Variants in RNF144A observed in about 807,000 individuals in gnomAD.
RNF144A encodes the protein ring finger protein 144A.
RNF144A carries 11 observed loss-of-function variants against 38.7 expected under a neutral mutation model. That is an observed-to-expected ratio of 0.28 (90% CI 0.18 to 0.47). The LOEUF (loss-of-function observed/expected upper bound fraction) is 0.47, where lower values mean the gene tolerates loss of function less well. Among genes scored for constraint, RNF144A ranks in the 20% least tolerant of loss-of-function variants. RNF144A has a pLI of 0.99. For missense variants in RNF144A, 316 were observed against 377.2 expected, an observed-to-expected ratio of 0.84 and a Z score of 1.34; for synonymous variants, 149 against 143.9, an observed-to-expected ratio of 1.04 and a Z score of -0.25.
Position 6,962,864 on chromosome 2 carries a change from A to G in RNF144A, c.-12+21717A>G, listed in dbSNP as rs1202832578. Reference sequence around the variant, plus strand: ...CTTGCTGGTCTCCATGGTTTATGCCATCATGATGCCAGTGTTGAATTTGTG... The same window carrying G: ...CTTGCTGGTCTCCATGGTTTATGCCGTCATGATGCCAGTGTTGAATTTGTG... On this transcript the variant is annotated intron_variant, in intron 2 of 8. Transcript: ENST00000320892. The surrounding 1 kb of genome is among the most constrained non-coding windows in gnomAD (Gnocchi z 4.1). Among the ~76,000 whole-genome samples the G allele has an allele frequency of 6.6e-6, 1 of 152,212 alleles. No homozygotes were observed. The highest frequency in any genetic ancestry group is 1.5e-5 in the Non-Finnish European group (1 of 68,038).
chr2:7,003,379 C>T (rs750371230), intron 3 of RNF144A, among the ~76,000 whole-genome samples: 7 of 152,148 alleles, frequency 4.6e-5, no homozygotes, highest in Non-Finnish European at 1.0e-4. Flanking sequence ...TCATGGTAAG[C>T]GCCCTGTATA....
intron 2 of RNF144A, among the ~76,000 whole-genome samples, chr2:6,981,376 T>TTG (rs2103362957): frequency 6.6e-6 from 1 of 152,304 alleles, no homozygotes; most frequent in African/African-American, 2.4e-5. Context: ...TATCGTCTCT[T>TTG]TGTGAATGCA....
chr2:7,005,322 C>T (rs891715451), intron 3 of RNF144A, among the ~76,000 whole-genome samples: 2 of 152,152 alleles, frequency 1.3e-5, no homozygotes, highest in African/African-American at 2.4e-5. Flanking sequence ...CCTGGGGTTC[C>T]GAGGACCATC....
chr2:7,045,326 C>T (rs61745584), downstream of RNF144A, among the ~76,000 whole-genome samples: 2,663 of 152,280 alleles, frequency 0.017, 73 homozygotes, highest in African/African-American at 0.061. Flanking sequence ...ACACCAGGGG[C>T]TACAACAACA....
At chr2:6,970,936 T>C (rs1323567598) in intron 2 of RNF144A, among the ~76,000 whole-genome samples, 2 of 152,094 alleles carry the variant, frequency 1.3e-5, no homozygotes, top group African/African-American at 4.8e-5. Flanking sequence ...CACAAAGTCA[T>C]GTGCAAAACT....
At chr2:7,010,907 A>G (rs1169029774) in intron 3 of RNF144A, among the ~76,000 whole-genome samples, 1 of 151,936 alleles carries the variant, frequency 6.6e-6, no homozygotes, top group Non-Finnish European at 1.5e-5. Context: ...TGATCTGTGC[A>G]TGCCTCTTTC....
intron 6 of RNF144A, among the ~76,000 whole-genome samples, chr2:7,050,439 G>A (rs968290359): frequency 7.2e-5 from 11 of 152,260 alleles, no homozygotes; most frequent in Admixed American, 1.3e-4. Context: ...CCTTATAAAT[G>A]CCTCAGCCTT....
At chr2:6,970,363 C>T (rs1667931151) in intron 2 of RNF144A, among the ~76,000 whole-genome samples, 1 of 152,154 alleles carries the variant, frequency 6.6e-6, no homozygotes, top group African/African-American at 2.4e-5. Flanking sequence ...CTGCTGCCAT[C>T]CACGTACAAT....
At chr2:6,953,745 A>G (rs912239869) in intron 2 of RNF144A, among the ~76,000 whole-genome samples, 7 of 152,128 alleles carry the variant, frequency 4.6e-5, no homozygotes, top group Non-Finnish European at 1.0e-4. Flanking sequence ...CTGGGTTTTT[A>G]CAATCTATTA....
chr2:6,945,266 A>G (rs1483249418), intron 2 of RNF144A, among the ~76,000 whole-genome samples: 1 of 152,234 alleles, frequency 6.6e-6, no homozygotes, highest in Non-Finnish European at 1.5e-5. Context: ...CCTAATGTGT[A>G]GAAATGAGCA....
intron 8 of RNF144A, among the ~76,000 whole-genome samples, chr2:7,033,545 C>T (rs1046844582): frequency 1.3e-5 from 2 of 152,244 alleles, no homozygotes; most frequent in Admixed American, 1.3e-4. Flanking sequence ...GCCGTTGCTG[C>T]CAGCTTGGTC....
chr2:7,018,166 C>T (rs1671265904), intron 5 of RNF144A, among the ~76,000 whole-genome samples: 1 of 152,162 alleles, frequency 6.6e-6, no homozygotes, highest in South Asian at 2.1e-4. Context: ...TCCTACTGCA[C>T]AGGAGAGGTG....
chr2:7,053,173 G>A (rs377321974), intron 6 of RNF144A, among the ~76,000 whole-genome samples: 16 of 152,060 alleles, frequency 1.1e-4, no homozygotes, highest in East Asian at 7.7e-4. Flanking sequence ...TCTATCTACC[G>A]TTTCTAAAAA....
chr2:6,959,924 A>C (rs1446503707), intron 2 of RNF144A, among the ~76,000 whole-genome samples: 1 of 152,178 alleles, frequency 6.6e-6, no homozygotes, highest in African/African-American at 2.4e-5. Context: ...TCTACTACCA[A>C]ATAGGCACTT....
rs144467574 is a variant in RNF144A at position 7,042,811 on chromosome 2, C to T, written c.*3051C>T. On this transcript the variant is annotated 3_prime_UTR_variant, in exon 9 of 9. Coordinates refer to ENST00000320892, the MANE Select transcript of RNF144A (RefSeq NM_014746.6). ...GTCCAAATTAGTTCTTCCTCCTCAACTCATAGGAGTAGCTGTGGACAGAGG... is the reference window on the plus strand; with the variant it reads ...GTCCAAATTAGTTCTTCCTCCTCAATTCATAGGAGTAGCTGTGGACAGAGG... 1.7e-5 allele frequency: 17 copies of T among 985,454 alleles called. 1 individual carries two copies. In the African/African-American group the frequency reaches 2.6e-4, roughly 15 times the overall value. 61.0% of individuals were successfully genotyped at this position (985,454 alleles called of 1,614,324 possible).
chr2:7,014,324 T>C (rs1558432357), intron 3 of RNF144A, 130 bp from the exon 4 acceptor site: 7 of 697,778 alleles, frequency 1.0e-5, no homozygotes, highest in Non-Finnish European at 1.5e-5. Context: ...TGTTGGTTGC[T>C]GTGGACTACA....
At chr2:7,066,438 T>C (rs1674229125) in intron 6 of RNF144A, among the ~76,000 whole-genome samples, 1 of 152,214 alleles carries the variant, frequency 6.6e-6, no homozygotes, top group African/African-American at 2.4e-5. Context: ...AATTTGGTAA[T>C]GTATTTCTTT....
rs1024061543 is a variant in RNF144A at position 6,917,651 on chromosome 2, C to T, written c.-212+29C>T. The stretch of plus-strand genomic sequence containing the variant: ...GAGTGACGCGCGTCCCCTTTGTGTC[C>T]GCATCGCCCGGGCCGGCCGCGGAGC... On this transcript the variant is annotated intron_variant, in intron 1 of 8. Coordinates refer to ENST00000320892, the MANE Select transcript of RNF144A (RefSeq NM_014746.6). This position sits in a 1 kb window ranked among gnomAD's most constrained non-coding sequence, Gnocchi z 4.8. The T allele has an allele frequency of 8.8e-5, 13 of 147,654 alleles. No individual in the cohort carries two copies. Among genetic ancestry groups the T allele is most frequent in the African/African-American group, 2.2e-4 (9 of 41,010 alleles). The allele number at this position is 147,654 out of a possible 1,614,324, so 9.1% of individuals were successfully genotyped here.
At chr2:7,021,895 T>A (rs1296313628) in intron 6 of RNF144A, among the ~76,000 whole-genome samples, 1 of 152,266 alleles carries the variant, frequency 6.6e-6, no homozygotes, top group African/African-American at 2.4e-5. Flanking sequence ...GATGACTTAG[T>A]TTTCTTTATC....
Sources: gnomAD v4.1 joint callset for allele counts (sites outside exome capture counted in the v4.1 genomes callset) on GRCh38, gnomAD v4.1.1 for gene constraint, Gnocchi (gnomAD v3.1) non-coding constraint, MANE v1.5 for transcripts, NCBI Gene and HGNC (gene_info 2026-07-23, HGNC 2026-07-21) for gene names.